Variants in TRAPPC9 observed in about 807,000 individuals in gnomAD.
TRAPPC9 encodes the protein trafficking protein particle complex subunit 9.
Under a neutral mutation model 124.0 loss-of-function variants are expected in TRAPPC9, and 83 were observed. That is an observed-to-expected ratio of 0.67 (90% CI 0.56 to 0.80). TRAPPC9 has a LOEUF of 0.80. Among genes scored for constraint, TRAPPC9 ranks in the 30% least tolerant of loss-of-function variants. The pLI, the probability that TRAPPC9 is intolerant of heterozygous loss-of-function variation, is 0.00. For synonymous variants in TRAPPC9, 638 were observed against 617.5 expected (o/e 1.03, Z -0.49); for missense variants, 1,302 against 1,508.3 (o/e 0.86, Z 2.27).
intron 21 of TRAPPC9, among the ~76,000 whole-genome samples, chr8:139,816,502 T>C (rs4736099): frequency 0.52 from 78,925 of 151,418 alleles, 21,874 homozygotes; most frequent in East Asian, 0.72. Context: ...CCCATCTCAG[T>C]ATGGAGATGG....
intron 9 of TRAPPC9, among the ~76,000 whole-genome samples, chr8:140,327,597 T>C (rs1588156250): frequency 6.6e-6 from 1 of 152,224 alleles, no homozygotes; most frequent in East Asian, 1.9e-4. Flanking sequence ...GAATGAAATT[T>C]TGATAAATGC....
rs1323413710 is a variant in TRAPPC9 at position 140,432,292 on chromosome 8, TA to T, written c.859+2819del. ...TGCTCAGAGACCATAACTAAAAGTG[TA>T]ACTAGCACATACTGAAATCTGCTTC... On this transcript the variant is annotated intron_variant, in intron 4 of 22. Transcript: ENST00000438773. Among the ~76,000 whole-genome samples the T allele has an allele frequency of 5.3e-5, 8 of 152,066 alleles. No individual in the cohort carries two copies. In the East Asian group the frequency reaches 1.5e-3, roughly 29 times the overall value.
intron 17 of TRAPPC9, among the ~76,000 whole-genome samples, chr8:140,024,837 G>A (rs1460990390): frequency 2.0e-5 from 3 of 152,128 alleles, no homozygotes; most frequent in Admixed American, 1.3e-4. Context: ...AGGCGGGGGC[G>A]GGGGTGCTTC....
At chr8:139,939,517 G>A (rs946329102) in intron 19 of TRAPPC9, among the ~76,000 whole-genome samples, 1 of 152,042 alleles carries the variant, frequency 6.6e-6, no homozygotes, top group Admixed American at 6.6e-5. Flanking sequence ...CATTCCCAGG[G>A]CAGGATCTGC....
chr8:140,296,899 CA>C (rs1260374145), intron 11 of TRAPPC9, among the ~76,000 whole-genome samples: 1 of 152,186 alleles, frequency 6.6e-6, no homozygotes, highest in East Asian at 1.9e-4. Context: ...AAAGAGCAGC[CA>C]GAGACTCTAG....
chr8:140,301,202 G>C (rs181276073), intron 10 of TRAPPC9, among the ~76,000 whole-genome samples: 1 of 152,194 alleles, frequency 6.6e-6, no homozygotes, highest in Non-Finnish European at 1.5e-5. Context: ...TGCTCTACTC[G>C]CATGCAGCAG....
At position 140,426,658 on chromosome 8, in the gene TRAPPC9, A is replaced by AT. The variant is rs1192923883; in HGVS notation, c.860-18dup. 3 of 1,612,858 alleles carry AT rather than the reference A, an allele frequency of 1.9e-6. No homozygotes were observed. Among genetic ancestry groups the AT allele is most frequent in the African/African-American group, 2.7e-5 (2 of 75,038 alleles). On this transcript the variant is annotated splice_polypyrimidine_tract_variant and intron_variant, in intron 4 of 22. Coordinates refer to ENST00000438773, the MANE Select transcript of TRAPPC9 (RefSeq NM_001160372.4). ...CCTGTGCCCCTGGAAGAAAGAACAGATTATGGTATTTTATTTGGAAAACAA... is the reference window on the plus strand; with the variant it reads ...CCTGTGCCCCTGGAAGAAAGAACAGATTTATGGTATTTTATTTGGAAAACAA...
chr8:139,943,988 CAT>C (rs926540600), intron 19 of TRAPPC9, among the ~76,000 whole-genome samples: 14 of 152,154 alleles, frequency 9.2e-5, no homozygotes, highest in Admixed American at 5.2e-4. Flanking sequence ...CCGAAAAACA[CAT>C]GTGTTCAAAG....
chr8:140,333,415 G>A (rs1169110987), intron 9 of TRAPPC9, among the ~76,000 whole-genome samples: 8 of 152,072 alleles, frequency 5.3e-5, no homozygotes, highest in African/African-American at 1.7e-4. Flanking sequence ...TTGTTGAGAC[G>A]GAGTCTCACT....
At chr8:140,397,235 T>C (rs2069121177) in intron 7 of TRAPPC9, among the ~76,000 whole-genome samples, 1 of 152,212 alleles carries the variant, frequency 6.6e-6, no homozygotes, top group Non-Finnish European at 1.5e-5. Flanking sequence ...AAAGGAGCTA[T>C]ATAAGTGCTT....
intron 19 of TRAPPC9, chr8:139,933,758 C>T (rs950526942): frequency 1.3e-5 from 2 of 152,244 alleles, no homozygotes; most frequent in African/African-American, 4.8e-5. Context: ...TCAATTCATA[C>T]ATATTTGAGA....
At chr8:139,804,567 C>T (rs1369725408) in intron 21 of TRAPPC9, among the ~76,000 whole-genome samples, 7 of 132,872 alleles carry the variant, frequency 5.3e-5, no homozygotes, top group South Asian at 2.7e-4. Flanking sequence ...CAAGCACCAC[C>T]GCCACCACCC....
chr8:140,432,068 C>A lies in TRAPPC9; in HGVS notation c.859+3044G>T, dbSNP rs554950304. Among the ~76,000 whole-genome samples, 19 of 152,220 alleles carry A rather than the reference C, an allele frequency of 1.2e-4. No homozygotes were observed. The East Asian group carries it at 3.7e-3, about 29-fold the overall frequency. On this transcript the variant is annotated intron_variant, in intron 4 of 22. Transcript: ENST00000438773. ...AGTGCTATTCTAAAGCATTAAACAA[C>A]AACAACAGCAAAATTCAAATGAAGG...
intron 17 of TRAPPC9, among the ~76,000 whole-genome samples, chr8:140,208,798 G>T (rs1015186757): frequency 1.3e-5 from 2 of 152,180 alleles, no homozygotes; most frequent in African/African-American, 4.8e-5. Context: ...GAACAACATG[G>T]GTCTGAGTTG....
At chr8:140,041,968 C>CA (rs35612059) in intron 17 of TRAPPC9, among the ~76,000 whole-genome samples, 4,602 of 136,082 alleles carry the variant, frequency 0.034, 186 homozygotes, top group African/African-American at 0.11. Context: ...AAGATTGTCT[C>CA]AAAAAAAAAA....
At chr8:140,304,562 G>A (rs942452340) in intron 10 of TRAPPC9, among the ~76,000 whole-genome samples, 1 of 152,182 alleles carries the variant, frequency 6.6e-6, no homozygotes, top group Non-Finnish European at 1.5e-5. Context: ...TGAGGAGCAA[G>A]GATTTAGGAA....
At chr8:140,164,137 G>A (rs984424460) in intron 17 of TRAPPC9, among the ~76,000 whole-genome samples, 1 of 152,094 alleles carries the variant, frequency 6.6e-6, no homozygotes, top group Non-Finnish European at 1.5e-5. Flanking sequence ...GGCGGCTCCA[G>A]GCAGTGGGGA....
chr8:139,862,976 G>A (rs1828268966), intron 21 of TRAPPC9, among the ~76,000 whole-genome samples: 3 of 152,236 alleles, frequency 2.0e-5, no homozygotes, highest in Admixed American at 1.3e-4. Flanking sequence ...GCACAGGGAT[G>A]CACAGCCCCT....
Position 139,864,134 on chromosome 8 carries a change from C to T in TRAPPC9, c.3055+21745G>A, listed in dbSNP as rs542794242. On this transcript the variant is annotated intron_variant, in intron 21 of 22. Coordinates refer to ENST00000438773, the MANE Select transcript of TRAPPC9 (RefSeq NM_001160372.4). ...TTCAAGGAGCCATTTATTCAGCTGG[C>T]GCCCAGGACTCTTTCCTGTGCTGTC... 1.3e-3 allele frequency among the ~76,000 whole-genome samples: 191 copies of T among 152,258 alleles called. 2 individuals are homozygous for T. Among genetic ancestry groups the T allele is most frequent in the African/African-American group, 4.2e-3 (175 of 41,546 alleles).
Sources: allele counts gnomAD v4.1 joint callset (sites outside exome capture counted in the v4.1 genomes callset), GRCh38; gene constraint gnomAD v4.1.1; transcripts MANE v1.5; gene names NCBI Gene and HGNC (gene_info 2026-07-23, HGNC 2026-07-21).